OSBPL3: variants seen among roughly 807,000 people sequenced by gnomAD.
The protein encoded by OSBPL3 is oxysterol-binding protein-related protein 3.
In OSBPL3, 65 loss-of-function variants were observed where a neutral mutation model predicts 120.1. The ratio of observed to expected loss-of-function variants is 0.54; its 90% CI spans 0.44 to 0.67. The LOEUF (loss-of-function observed/expected upper bound fraction) is 0.67. Ranked by LOEUF, OSBPL3 falls within the 30% of genes least tolerant of loss-of-function variation. OSBPL3 has a pLI of 0.00. For missense variants in OSBPL3, 1,004 were observed against 1,082.1 expected (o/e 0.93, Z 1.01); for synonymous variants, 416 against 402.6 (o/e 1.03, Z -0.40).
rs764287093 is a variant in OSBPL3, at chr7:24,797,802, T to C, written c.*2381A>G. ...TGATTAGCATTATTTAACCAGGAGA[T>C]TTAAAGTCCAGAAAATTAAATTCTA... On this transcript the variant is annotated 3_prime_UTR_variant, in exon 23 of 23. Transcript: ENST00000313367. The surrounding 1 kb of genome is among the most constrained non-coding windows in gnomAD (Gnocchi z 4.8). 6.6e-6 allele frequency: 1 copy of C among 152,122 alleles called. No homozygotes were observed. Among genetic ancestry groups the C allele is most frequent in the East Asian group, 1.9e-4 (1 of 5,198 alleles). The allele number at this position is 152,122 out of a possible 1,614,324, so 9.4% of individuals were successfully genotyped here.
rs74789946 is a variant in OSBPL3 at position 24,967,327 on chromosome 7, C to T, written c.-150+12559G>A. 0.033 allele frequency among the ~76,000 whole-genome samples: 4,961 copies of T among 152,268 alleles called. 134 individuals are homozygous for T. The highest frequency in any genetic ancestry group is 0.053 in the Non-Finnish European group (3,591 of 68,004). On this transcript the variant is annotated intron_variant, in intron 1 of 22. Transcript: ENST00000313367. This position sits in a 1 kb window ranked among gnomAD's most constrained non-coding sequence, Gnocchi z 5.6. Reference sequence around the variant, plus strand: ...CCCATGAATTCTTACCCTACAGCTGCAAGGGATAACACTGTTTTCACCTTT... The same window carrying T: ...CCCATGAATTCTTACCCTACAGCTGTAAGGGATAACACTGTTTTCACCTTT...
chr7:24,814,707 T>C (rs999663641), intron 19 of OSBPL3, among the ~76,000 whole-genome samples: 1 of 152,216 alleles, frequency 6.6e-6, no homozygotes, highest in African/African-American at 2.4e-5. Context: ...ACTGGATTCC[T>C]CTGGCGATCT....
Position 24,980,011 on chromosome 7 carries a change from C to G in OSBPL3, c.-275G>C, listed in dbSNP as rs1818110787. Reference sequence around the variant, plus strand: ...CCCCGCAACGTGCAGCTGACAGCTCCCGCACCGGCCGCAGGAGTCGGGGGC... The same window carrying G: ...CCCCGCAACGTGCAGCTGACAGCTCGCGCACCGGCCGCAGGAGTCGGGGGC... On this transcript the variant is annotated 5_prime_UTR_variant, in exon 1 of 23. Coordinates refer to ENST00000313367, the MANE Select transcript of OSBPL3 (RefSeq NM_015550.4). The G allele has an allele frequency of 1.0e-6, 1 of 985,396 alleles. No homozygotes were observed. Among genetic ancestry groups the G allele is most frequent in the African/African-American group, 1.7e-5 (1 of 57,244 alleles). 61.0% of individuals were successfully genotyped at this position (985,396 alleles called of 1,614,324 possible).
At chr7:24,823,557 C>T (rs1255980286) in intron 16 of OSBPL3, among the ~76,000 whole-genome samples, 1 of 152,068 alleles carries the variant, frequency 6.6e-6, no homozygotes, top group Non-Finnish European at 1.5e-5. Flanking sequence ...GGGCTCGTGT[C>T]CCTCCCCAAA....
rs545340028 is a variant in OSBPL3 at position 24,963,736 on chromosome 7, T to C, written c.-150+16150A>G. Among the ~76,000 whole-genome samples the C allele has an allele frequency of 3.3e-5, 5 of 152,356 alleles. No homozygotes were observed. The South Asian group carries it at 1.0e-3, about 32-fold the overall frequency. On this transcript the variant is annotated intron_variant, in intron 1 of 22. Coordinates refer to ENST00000313367, the MANE Select transcript of OSBPL3 (RefSeq NM_015550.4). ...AACCTTAGATAAACCATTTCACCTT[T>C]TGAGGTGTCTATTTTCTTATCTTTA...
rs2128227439 is a variant in OSBPL3, at chr7:24,851,788, A to T, written c.1158+716T>A. On this transcript the variant is annotated intron_variant, in intron 11 of 22. Coordinates refer to ENST00000313367, the MANE Select transcript of OSBPL3 (RefSeq NM_015550.4). The surrounding 1 kb of genome is among the most constrained non-coding windows in gnomAD (Gnocchi z 4.1). The stretch of plus-strand genomic sequence containing the variant: ...AAATAGAGGTAGGACATGGCACTTT[A>T]ATGGAGCCTAACTATTCTGAGGAAT... Among the ~76,000 whole-genome samples, 1 of 152,138 alleles carries T rather than the reference A, an allele frequency of 6.6e-6. No homozygotes were observed. Among genetic ancestry groups the T allele is most frequent in the African/African-American group, 2.4e-5 (1 of 41,528 alleles).
rs915686109 is a variant in OSBPL3, at chr7:24,822,277, C to A, written c.1885-2039G>T. Among the ~76,000 whole-genome samples the A allele has an allele frequency of 2.7e-4, 41 of 152,156 alleles. No homozygotes were observed. Among genetic ancestry groups the A allele is most frequent in the African/African-American group, 9.7e-4 (40 of 41,434 alleles). The stretch of plus-strand genomic sequence containing the variant: ...CTGTCTTTCGATGAAAACAACGGAG[C>A]TAGCTTTGAAACCATGGGATCATAT... On this transcript the variant is annotated intron_variant, in intron 16 of 22. Coordinates refer to ENST00000313367, the MANE Select transcript of OSBPL3 (RefSeq NM_015550.4). The surrounding 1 kb of genome is among the most constrained non-coding windows in gnomAD (Gnocchi z 5.8).
rs149374685 is a variant in OSBPL3 at position 24,887,957 on chromosome 7, C to T, written c.96+4420G>A. On this transcript the variant is annotated intron_variant, in intron 2 of 22. Transcript: ENST00000313367. ...TCACTTGTTTTAGGTATAGGTTATG[C>T]CTAAAGATGTCAAATGTAGCCCAAT... Among the ~76,000 whole-genome samples the T allele has an allele frequency of 3.2e-3, 486 of 152,176 alleles. 3 individuals carry two copies. Among genetic ancestry groups the T allele is most frequent in the African/African-American group, 0.011 (468 of 41,522 alleles).
In OSBPL3 at chr7:24,873,400, C is replaced by G. The variant is rs754356130; in HGVS notation, c.97-1331G>C. On this transcript the variant is annotated intron_variant, in intron 2 of 22. Coordinates refer to ENST00000313367, the MANE Select transcript of OSBPL3 (RefSeq NM_015550.4). The surrounding 1 kb of genome is among the most constrained non-coding windows in gnomAD (Gnocchi z 4.1). ...TGAGAACCCTTTCCTACGTTAGCAA[C>G]TGAATTCTTTACATAATGATCGTGA... is the stretch of plus-strand genomic sequence containing the variant. Among the ~76,000 whole-genome samples the G allele has an allele frequency of 4.6e-5, 7 of 152,200 alleles. No individual in the cohort carries two copies. Among genetic ancestry groups the G allele is most frequent in the African/African-American group, 9.7e-5 (4 of 41,444 alleles).
At chr7:24,846,327 G>C (rs1031882670) in intron 12 of OSBPL3, among the ~76,000 whole-genome samples, 2 of 152,208 alleles carry the variant, frequency 1.3e-5, no homozygotes, top group African/African-American at 4.8e-5. Context: ...CAAGCTGTAT[G>C]TCTGGAGGAA....
chr7:24,895,984 G>T (rs996511563), intron 1 of OSBPL3, among the ~76,000 whole-genome samples: 6 of 152,108 alleles, frequency 3.9e-5, no homozygotes, highest in Admixed American at 1.3e-4. Context: ...AAGGCTTCTT[G>T]GTCCCCTGGA....
chr7:24,960,474 T>G (rs1330794209), intron 1 of OSBPL3, among the ~76,000 whole-genome samples: 1 of 152,102 alleles, frequency 6.6e-6, no homozygotes, highest in East Asian at 1.9e-4. Flanking sequence ...CAACACAAAA[T>G]CAATATATCG....
chr7:24,846,476 A>C (rs1048110604), intron 12 of OSBPL3, among the ~76,000 whole-genome samples: 6 of 152,248 alleles, frequency 3.9e-5, no homozygotes, highest in Non-Finnish European at 8.8e-5. Context: ...CATTAAAAGA[A>C]TTAAGTTCCC....
In OSBPL3 at chr7:24,830,707, G is replaced by C; in HGVS notation, c.1884+61C>G. On this transcript the variant is annotated intron_variant, in intron 16 of 22. Coordinates refer to ENST00000313367, the MANE Select transcript of OSBPL3 (RefSeq NM_015550.4). This position sits in a 1 kb window ranked among gnomAD's most constrained non-coding sequence, Gnocchi z 4.4. ...AAGGTGGAAGATAAATATTTCAGAAGCACATTTAATGGGAGACATAAGCAA... is the reference window on the plus strand; with the variant it reads ...AAGGTGGAAGATAAATATTTCAGAACCACATTTAATGGGAGACATAAGCAA... 1 of 1,446,606 alleles carries C rather than the reference G, an allele frequency of 6.9e-7. No individual in the cohort carries two copies. The highest frequency in any genetic ancestry group is 1.4e-5 in the African/African-American group (1 of 69,612). 89.6% of individuals were successfully genotyped at this position (1,446,606 alleles called of 1,614,324 possible). A position where few individuals can be genotyped will look rare whatever the true frequency, so the allele number is the denominator to read the frequency against.
At chr7:24,836,459 T>C (rs750645555) in intron 14 of OSBPL3, among the ~76,000 whole-genome samples, 1 of 152,252 alleles carries the variant, frequency 6.6e-6, no homozygotes, top group African/African-American at 2.4e-5. Flanking sequence ...TCTTGTTTTA[T>C]ATTTGTTTTA....
intron 2 of OSBPL3, among the ~76,000 whole-genome samples, chr7:24,878,069 T>G (rs1032561452): frequency 6.6e-6 from 1 of 152,212 alleles, no homozygotes; most frequent in Non-Finnish European, 1.5e-5. Flanking sequence ...GTCTGAAAAG[T>G]GCCAAAGATA....
Position 24,912,112 on chromosome 7 carries a change from C to T in OSBPL3, c.-149-19491G>A, listed in dbSNP as rs997775212. Among the ~76,000 whole-genome samples the T allele has an allele frequency of 6.6e-6, 1 of 152,200 alleles. No individual in the cohort carries two copies. Reference sequence around the variant, plus strand: ...ATCAAATTGATAACCTGTGTTCCCTCCCCTTCACACTAGCTACTAGAAGGT... The same window carrying T: ...ATCAAATTGATAACCTGTGTTCCCTTCCCTTCACACTAGCTACTAGAAGGT... On this transcript the variant is annotated intron_variant, in intron 1 of 22. Coordinates refer to ENST00000313367, the MANE Select transcript of OSBPL3 (RefSeq NM_015550.4). This position sits in a 1 kb window ranked among gnomAD's most constrained non-coding sequence, Gnocchi z 4.5.
chr7:24,888,932 T>C (rs753873252), intron 2 of OSBPL3, among the ~76,000 whole-genome samples: 1 of 152,200 alleles, frequency 6.6e-6, no homozygotes, highest in African/African-American at 2.4e-5. Context: ...TAAAAAACCA[T>C]GTCTTCCAGC....
At chr7:24,969,425 T>G (rs1485266579) in intron 1 of OSBPL3, among the ~76,000 whole-genome samples, 2 of 152,360 alleles carry the variant, frequency 1.3e-5, no homozygotes, top group Middle Eastern at 3.4e-3. Flanking sequence ...ATGTGTTGAT[T>G]GCCTTTTGAC....
Sources: gnomAD v4.1 joint callset for allele counts (sites outside exome capture counted in the v4.1 genomes callset) on GRCh38, gnomAD v4.1.1 for gene constraint, Gnocchi (gnomAD v3.1) non-coding constraint, MANE v1.5 for transcripts, NCBI Gene and HGNC (gene_info 2026-07-23, HGNC 2026-07-21) for gene names.